The following ETS1 variants were observed in gnomAD, a reference collection of about 807,000 sequenced individuals.
ETS1 encodes the protein ETS proto-oncogene 1, transcription factor.
A neutral mutation model predicts 58.6 loss-of-function variants in ETS1; 15 were observed. That is an observed-to-expected ratio of 0.26 (90% confidence interval 0.17 to 0.39). The LOEUF is 0.39. Ranked by LOEUF, ETS1 falls within the 10% of genes least tolerant of loss-of-function variation. The pLI is 1.00. For synonymous variants in ETS1, 214 were observed against 218.2 expected (o/e 0.98, Z 0.17); for missense variants, 417 against 610.5 (o/e 0.68, Z 3.34).
At position 128,485,022 on chromosome 11, in the gene ETS1, C is replaced by A; in HGVS notation, c.663G>T (p.Glu221Asp). The change falls in exon 7 of 10, where the codon GAG (glutamate) becomes GAT (aspartate). Residue 221 changes from glutamate to aspartate, a missense_variant. Coordinates refer to ENST00000392668, the MANE Select transcript of ETS1 (RefSeq NM_001143820.2). ...GATAGGACTCTGTGATGAAGCTGGGCTCTGAGAACTCCGATGGTGGAACAC... is the reference window on the plus strand; with the variant it reads ...GATAGGACTCTGTGATGAAGCTGGGATCTGAGAACTCCGATGGTGGAACAC... ...AQCVPPSEFS[E>D]PSFITESYQT... 6.2e-7 allele frequency: 1 copy of A among 1,613,902 alleles called. No homozygotes were observed. Among genetic ancestry groups the A allele is most frequent in the Non-Finnish European group, 8.5e-7 (1 of 1,179,902 alleles).
chr11:128,498,297 A>C (rs1362306296), intron 3 of ETS1, among the ~76,000 whole-genome samples: 1 of 152,256 alleles, frequency 6.6e-6, no homozygotes, highest in African/African-American at 2.4e-5. Context: ...AAACATCAAG[A>C]AGGAATCTGG....
chr11:128,481,865 T>G (rs149785433), intron 7 of ETS1, among the ~76,000 whole-genome samples: 1 of 152,184 alleles, frequency 6.6e-6, no homozygotes, highest in Non-Finnish European at 1.5e-5. Context: ...TTCGGTTGAG[T>G]GTGTACTTTT....
chr11:128,586,111 C>T (rs1865026673), intron 1 of ETS1, among the ~76,000 whole-genome samples: 1 of 152,248 alleles, frequency 6.6e-6, no homozygotes, highest in South Asian at 2.1e-4. Flanking sequence ...TGGCTTCCCA[C>T]ATCCTCAGCA....
At chr11:128,587,272 T>A (rs1211201839) in intron 1 of ETS1, among the ~76,000 whole-genome samples, 1 of 152,084 alleles carries the variant, frequency 6.6e-6, no homozygotes, top group African/African-American at 2.4e-5. Flanking sequence ...TTTAAAAACA[T>A]AGTCTTGCTT....
chr11:128,472,096 G>T (rs1862201929), intron 8 of ETS1, among the ~76,000 whole-genome samples: 1 of 152,186 alleles, frequency 6.6e-6, no homozygotes, highest in African/African-American at 2.4e-5. Flanking sequence ...CTGCATGGAG[G>T]TAGCGGAACA....
intron 3 of ETS1, among the ~76,000 whole-genome samples, chr11:128,495,231 G>C (rs1318242762): frequency 6.6e-6 from 1 of 152,024 alleles, no homozygotes; most frequent in Non-Finnish European, 1.5e-5. Context: ...AACTCTTAAA[G>C]TTCAGGGTCT....
chr11:128,487,513 G>A (rs1862666942), intron 5 of ETS1, among the ~76,000 whole-genome samples: 1 of 152,110 alleles, frequency 6.6e-6, no homozygotes, highest in South Asian at 2.1e-4. Flanking sequence ...GGCCAAGGTG[G>A]GCAGATCACG....
chr11:128,484,790 C>A, intron 7 of ETS1, 33 bp downstream of exon 7: 1 of 1,591,540 alleles, frequency 6.3e-7, no homozygotes. Context: ...TTCTTGTAAA[C>A]CCAAGAGCTT....
rs1272471993 is a variant in ETS1 at position 128,549,029 on chromosome 11, G to A, written c.214+7262C>T. 1.3e-5 allele frequency among the ~76,000 whole-genome samples: 2 copies of A among 152,062 alleles called. No homozygotes were observed. The highest frequency in any genetic ancestry group is 2.9e-5 in the Non-Finnish European group (2 of 67,964). On this transcript the variant is annotated intron_variant, in intron 3 of 9. Coordinates refer to ENST00000392668, the MANE Select transcript of ETS1 (RefSeq NM_001143820.2). This position sits in a 1 kb window ranked among gnomAD's most constrained non-coding sequence, Gnocchi z 4.3. ...GGAAGGCGGGGTGGGGTTAGGGACC[G>A]GGAGGCTGGGGGAGGGGAGCGGGCC...
chr11:128,477,828 T>C (rs116243503), intron 8 of ETS1, among the ~76,000 whole-genome samples: 2,846 of 152,326 alleles, frequency 0.019, 60 homozygotes, highest in African/African-American at 0.044. Context: ...ATTGTTATAA[T>C]TGAGGGTTTT....
At chr11:128,569,452 G>A (rs1048588113) in intron 2 of ETS1, among the ~76,000 whole-genome samples, 7 of 150,754 alleles carry the variant, frequency 4.6e-5, no homozygotes, top group South Asian at 4.2e-4. Context: ...CAACAGAACC[G>A]AGAAGACTCT....
At chr11:128,527,792 T>G (rs1348885647) in intron 3 of ETS1, among the ~76,000 whole-genome samples, 1 of 152,258 alleles carries the variant, frequency 6.6e-6, no homozygotes. Flanking sequence ...GATCTTACTC[T>G]GCTTTTCTCT....
intron 3 of ETS1, among the ~76,000 whole-genome samples, chr11:128,548,668 C>T (rs888979577): frequency 1.3e-5 from 2 of 152,222 alleles, no homozygotes. Context: ...CTGCCACAGG[C>T]CGAAGGGCGA....
At chr11:128,483,212 G>A (rs1020730234) in intron 7 of ETS1, among the ~76,000 whole-genome samples, 3 of 152,156 alleles carry the variant, frequency 2.0e-5, no homozygotes, top group Non-Finnish European at 4.4e-5. Context: ...TCCTTGTAAG[G>A]GTCACTTTTG....
chr11:128,564,922 GT>G (rs572769068), intron 2 of ETS1, among the ~76,000 whole-genome samples: 3 of 148,690 alleles, frequency 2.0e-5, no homozygotes, highest in Admixed American at 1.3e-4. Flanking sequence ...TGGGTTTTTT[GT>G]TTTTTTTTGT....
chr11:128,556,469 G>A lies in ETS1; in HGVS notation c.70-34C>T, dbSNP rs527369249. The A allele has an allele frequency of 4.0e-5, 60 of 1,482,660 alleles. 2 individuals carry two copies. The South Asian group carries it at 7.3e-4, about 18-fold the overall frequency. 91.8% of individuals were successfully genotyped at this position (1,482,660 alleles called of 1,614,324 possible). A position where few individuals can be genotyped will look rare whatever the true frequency, so the allele number is the denominator to read the frequency against. On this transcript the variant is annotated intron_variant, in intron 2 of 9. Coordinates refer to ENST00000392668, the MANE Select transcript of ETS1 (RefSeq NM_001143820.2). ...GAAAAAATAGAAGAAAATATATTAG[G>A]AGGAAAATCTCTGTTGTTTAGCCCT...
At chr11:128,490,788 A>G (rs1591612187) in intron 3 of ETS1, among the ~76,000 whole-genome samples, 1 of 142,280 alleles carries the variant, frequency 7.0e-6, no homozygotes, top group South Asian at 2.2e-4. Flanking sequence ...GCGTGATCTC[A>G]GCTCACTACA....
rs777404392 is a variant in ETS1, at chr11:128,585,335, GGAAGGAAGGAAGC to G, written c.-15+2140_-15+2152del. 3.6e-3 allele frequency among the ~76,000 whole-genome samples: 530 copies of G among 148,250 alleles called. 7 individuals are homozygous for G. The highest frequency in any genetic ancestry group is 5.1e-3 in the Non-Finnish European group (340 of 67,080). On this transcript the variant is annotated intron_variant, in intron 1 of 9. Transcript: ENST00000392668. The stretch of plus-strand genomic sequence containing the variant: ...AGGGAAGAAGGAAGGAAGGAAGCAA[GGAAGGAAGGAAGC>G]AAGGAAGGAAGGAAGGGTCCCAGCT...
chr11:128,559,302 A>T (rs998588921), intron 2 of ETS1, among the ~76,000 whole-genome samples: 95 of 152,372 alleles, frequency 6.2e-4, no homozygotes, highest in African/African-American at 2.2e-3. Context: ...GAGAAGGTAG[A>T]TAATCGGTAA....
Sources: gnomAD v4.1 joint callset for allele counts (sites outside exome capture counted in the v4.1 genomes callset) on GRCh38, gnomAD v4.1.1 for gene constraint, Gnocchi (gnomAD v3.1) non-coding constraint, MANE v1.5 for transcripts, NCBI Gene and HGNC (gene_info 2026-07-23, HGNC 2026-07-21) for gene names.